The following STK24 variants were observed in gnomAD, a reference collection of about 807,000 sequenced individuals.
The protein encoded by STK24 is serine/threonine kinase 24.
In STK24, 21 loss-of-function variants were observed where a neutral mutation model predicts 55.6. The ratio of observed to expected loss-of-function variants is 0.38; its 90% CI spans 0.27 to 0.54. The LOEUF (loss-of-function observed/expected upper bound fraction) is 0.54. Ranked by LOEUF, STK24 falls within the 20% of genes least tolerant of loss-of-function variation. The pLI, the probability that STK24 is intolerant of heterozygous loss-of-function variation, is 0.79. For missense variants in STK24, 383 were observed against 538.4 expected (o/e 0.71, Z 2.86); for synonymous variants, 200 against 215.2 (o/e 0.93, Z 0.62).
At chr13:98,572,245 C>T (rs1381814258) in intron 1 of STK24, among the ~76,000 whole-genome samples, 1 of 152,150 alleles carries the variant, frequency 6.6e-6, no homozygotes, top group Non-Finnish European at 1.5e-5. Context: ...ACTCTGCAGG[C>T]TCCCCTGTGC....
Position 98,487,430 on chromosome 13 carries a change from G to C in STK24, c.274-5109C>G, listed in dbSNP as rs376701685. ...TCATTTAATTAATAAATTCTGGAGT[G>C]AAAATTTAAAAGGTGCCAAAGTATA... is the stretch of plus-strand genomic sequence containing the variant. On this transcript the variant is annotated intron_variant, in intron 2 of 10. Transcript: ENST00000539966. Among the ~76,000 whole-genome samples the C allele has an allele frequency of 1.5e-3, 236 of 152,296 alleles. 1 individual carries two copies. Among genetic ancestry groups the C allele is most frequent in the African/African-American group, 5.6e-3 (232 of 41,550 alleles).
Position 98,567,950 on chromosome 13 carries a change from G to GT in STK24, c.42+8794_42+8795insA, listed in dbSNP as rs1249941772. 2.7e-5 allele frequency among the ~76,000 whole-genome samples: 4 copies of GT among 149,232 alleles called. 1 individual carries two copies. The highest frequency in any genetic ancestry group is 5.9e-5 in the Non-Finnish European group (4 of 67,308). On this transcript the variant is annotated intron_variant, in intron 1 of 10. Coordinates refer to ENST00000539966, the MANE Select transcript of STK24 (RefSeq NM_001032296.4). ...AGTGGTTTAAAAAAAAAAAGGGGGG[G>GT]GGTGGGGAGTAGAGGAAGACAACGC...
intron 2 of STK24, among the ~76,000 whole-genome samples, chr13:98,485,016 G>A (rs1474431206): frequency 6.6e-6 from 1 of 152,162 alleles, no homozygotes; most frequent in African/African-American, 2.4e-5. Flanking sequence ...CTGGGCCTGT[G>A]ACTCACACAC....
At chr13:98,474,490 C>T (rs1387665933) in intron 5 of STK24, among the ~76,000 whole-genome samples, 3 of 152,116 alleles carry the variant, frequency 2.0e-5, no homozygotes, top group Non-Finnish European at 2.9e-5. Context: ...CCTCTGCAAC[C>T]GCACACGCCT....
At chr13:98,507,296 G>T (rs1159150332) in intron 2 of STK24, among the ~76,000 whole-genome samples, 1 of 152,206 alleles carries the variant, frequency 6.6e-6, no homozygotes, top group African/African-American at 2.4e-5. Context: ...CAGGAATGAG[G>T]AAACTCTGGC....
chr13:98,526,269 G>A (rs775997402), intron 1 of STK24, among the ~76,000 whole-genome samples: 3 of 152,180 alleles, frequency 2.0e-5, no homozygotes, highest in Non-Finnish European at 4.4e-5. Flanking sequence ...TGTTGTCTCA[G>A]TGTCCCAATA....
At chr13:98,466,171 A>G (rs1471689016) in intron 6 of STK24, among the ~76,000 whole-genome samples, 3 of 152,240 alleles carry the variant, frequency 2.0e-5, no homozygotes, top group African/African-American at 7.2e-5. Flanking sequence ...GCAGAAATCT[A>G]AAAGAAAATA....
At chr13:98,480,944 G>A (rs1368101348) in intron 3 of STK24, among the ~76,000 whole-genome samples, 1 of 152,172 alleles carries the variant, frequency 6.6e-6, no homozygotes, top group Non-Finnish European at 1.5e-5. Context: ...TACCCGTGTA[G>A]ACTATGCTAA....
At chr13:98,477,506 C>T (rs1894421565) in intron 3 of STK24, among the ~76,000 whole-genome samples, 1 of 152,050 alleles carries the variant, frequency 6.6e-6, no homozygotes, top group Admixed American at 6.5e-5. Context: ...AACCCCATCT[C>T]TACTAAAAAC....
At chr13:98,503,481 T>C (rs143420442) in intron 2 of STK24, among the ~76,000 whole-genome samples, 1 of 152,258 alleles carries the variant, frequency 6.6e-6, no homozygotes, top group East Asian at 1.9e-4. Flanking sequence ...ATTGTTTATA[T>C]GGCTGCCTCA....
chr13:98,499,564 G>C (rs1249388882), intron 2 of STK24, among the ~76,000 whole-genome samples: 5 of 152,220 alleles, frequency 3.3e-5, no homozygotes, highest in Non-Finnish European at 7.3e-5. Flanking sequence ...GGGCATTTCA[G>C]GGGTGGGGTG....
chr13:98,542,507 C>G (rs1210556429), intron 1 of STK24, among the ~76,000 whole-genome samples: 4 of 152,098 alleles, frequency 2.6e-5, no homozygotes, highest in Non-Finnish European at 5.9e-5. Flanking sequence ...CAAGTGACAA[C>G]ACAGTAACCC....
At chr13:98,484,899 A>T (rs1035085526) in intron 2 of STK24, among the ~76,000 whole-genome samples, 1 of 152,174 alleles carries the variant, frequency 6.6e-6, no homozygotes, top group African/African-American at 2.4e-5. Context: ...CATTCCTGGT[A>T]GCAGACGCGC....
At position 98,538,201 on chromosome 13, in the gene STK24, C is replaced by T. The variant is rs542415223; in HGVS notation, c.43-18728G>A. On this transcript the variant is annotated intron_variant, in intron 1 of 10. Coordinates refer to ENST00000539966, the MANE Select transcript of STK24 (RefSeq NM_001032296.4). ...AAAGGGTATTCTCCATCGGCTAGGT[C>T]AATCACTGCTTTGGTGCTTGCTTTT... 8.4e-5 allele frequency among the ~76,000 whole-genome samples: 12 copies of T among 142,614 alleles called. No individual in the cohort carries two copies. The South Asian group carries it at 2.7e-3, about 33-fold the overall frequency. 93.6% of individuals were successfully genotyped at this position (142,614 alleles called of 152,430 possible).
intron 3 of STK24, among the ~76,000 whole-genome samples, chr13:98,480,773 G>T (rs1349857777): frequency 6.6e-6 from 1 of 152,186 alleles, no homozygotes; most frequent in South Asian, 2.1e-4. Context: ...ATTTTTTACA[G>T]AGATAGGATT....
At chr13:98,455,107 G>A (rs1211106360) in intron 10 of STK24, 1 of 152,202 alleles carries the variant, frequency 6.6e-6, no homozygotes, top group African/African-American at 2.4e-5. Context: ...CTCCAAAAAT[G>A]TAAAATACCT....
At chr13:98,538,714 C>T (rs1159547448) in intron 1 of STK24, among the ~76,000 whole-genome samples, 1 of 152,074 alleles carries the variant, frequency 6.6e-6, no homozygotes, top group Non-Finnish European at 1.5e-5. Flanking sequence ...GCCTACAAAA[C>T]CATGCCTTGT....
intron 1 of STK24, among the ~76,000 whole-genome samples, chr13:98,574,187 A>G (rs1897815783): frequency 1.3e-5 from 2 of 151,868 alleles, no homozygotes; most frequent in South Asian, 2.1e-4. Context: ...AATTTTTTGG[A>G]TTTTTAGTAG....
intron 6 of STK24, among the ~76,000 whole-genome samples, chr13:98,465,516 C>A (rs1162703153): frequency 2.6e-5 from 4 of 152,346 alleles, no homozygotes; most frequent in African/African-American, 4.8e-5. Context: ...GCAGGACAAG[C>A]CCCACCACCA....
Sources: gnomAD v4.1 joint callset for allele counts (sites outside exome capture counted in the v4.1 genomes callset) on GRCh38, gnomAD v4.1.1 for gene constraint, MANE v1.5 for transcripts, NCBI Gene and HGNC (gene_info 2026-07-23, HGNC 2026-07-21) for gene names.